CSMD1: variants seen among roughly 807,000 people sequenced by gnomAD.
CSMD1 encodes the protein CUB and sushi domain-containing protein 1.
A neutral mutation model predicts 417.5 loss-of-function variants in CSMD1; 213 were observed. The ratio of observed to expected loss-of-function variants is 0.51; its 90% CI spans 0.46 to 0.57. The LOEUF (loss-of-function observed/expected upper bound fraction) is 0.57, where lower values mean the gene tolerates loss of function less well. Ranked by LOEUF, CSMD1 falls within the 20% of genes least tolerant of loss-of-function variation. CSMD1 has a pLI of 0.00. For missense variants in CSMD1, 6,923 were observed against 4,529.7 expected, an observed-to-expected ratio of 1.53 and a Z score of -15.17; for synonymous variants, 2,862 against 1,736.8, an observed-to-expected ratio of 1.65 and a Z score of -16.11.
chr8:4,039,661 G>A (rs1040395276), intron 3 of CSMD1, among the ~76,000 whole-genome samples: 1 of 152,288 alleles, frequency 6.6e-6, no homozygotes, highest in Non-Finnish European at 1.5e-5. Context: ...ATCAGAACTG[G>A]CTGAGAATAA....
intron 5 of CSMD1, among the ~76,000 whole-genome samples, chr8:3,942,658 C>A (rs367572418): frequency 2.6e-5 from 4 of 152,162 alleles, no homozygotes; most frequent in Middle Eastern, 3.2e-3. Flanking sequence ...TCTTTAAAAA[C>A]TGTTTATGAT....
intron 57 of CSMD1, among the ~76,000 whole-genome samples, chr8:2,971,691 C>T (rs928703098): frequency 6.6e-6 from 1 of 152,138 alleles, no homozygotes; most frequent in Non-Finnish European, 1.5e-5. Context: ...AATTTTAATA[C>T]TGAAATATCT....
chr8:3,749,474 G>C (rs1426580099), intron 6 of CSMD1, among the ~76,000 whole-genome samples: 2 of 152,146 alleles, frequency 1.3e-5, no homozygotes, highest in African/African-American at 2.4e-5. Context: ...GAAAGTCAAA[G>C]AAGAAAGTGT....
intron 12 of CSMD1, among the ~76,000 whole-genome samples, chr8:3,444,259 G>A (rs900225803): frequency 6.6e-6 from 1 of 152,170 alleles, no homozygotes; most frequent in Non-Finnish European, 1.5e-5. Flanking sequence ...AATTACACAA[G>A]ATAAATTTGG....
chr8:4,342,368 C>G (rs1800528891), intron 3 of CSMD1, among the ~76,000 whole-genome samples: 1 of 152,020 alleles, frequency 6.6e-6, no homozygotes. Context: ...CATTCTACAG[C>G]TATCACATAT....
At chr8:4,884,232 CAT>C (rs1487966720) in intron 1 of CSMD1, among the ~76,000 whole-genome samples, 2 of 151,826 alleles carry the variant, frequency 1.3e-5, no homozygotes, top group African/African-American at 2.4e-5. Context: ...TACACACACA[CAT>C]ACCTATGTTT....
chr8:4,137,625 G>T (rs1333028651), intron 3 of CSMD1, among the ~76,000 whole-genome samples: 1 of 131,176 alleles, frequency 7.6e-6, no homozygotes, highest in African/African-American at 2.5e-5. Flanking sequence ...ACTGTTAATT[G>T]ATCACATTTT....
intron 4 of CSMD1, among the ~76,000 whole-genome samples, chr8:4,006,559 T>A (rs1235289979): frequency 6.6e-6 from 1 of 152,078 alleles, no homozygotes; most frequent in Non-Finnish European, 1.5e-5. Flanking sequence ...AATAAATAAA[T>A]AAATAATGGC....
intron 5 of CSMD1, among the ~76,000 whole-genome samples, chr8:3,894,591 G>A (rs953310044): frequency 1.4e-4 from 21 of 152,136 alleles, no homozygotes; most frequent in Admixed American, 1.3e-4. Flanking sequence ...TTTGTTGTCT[G>A]TATGGGGCTA....
At chr8:4,138,664 T>C (rs1377600550) in intron 3 of CSMD1, among the ~76,000 whole-genome samples, 7 of 152,172 alleles carry the variant, frequency 4.6e-5, no homozygotes, top group African/African-American at 1.7e-4. Context: ...CAAAGTATTA[T>C]TTCTATTTTT....
At chr8:3,558,624 A>ACGG (rs1437035507) in intron 10 of CSMD1, among the ~76,000 whole-genome samples, 3 of 134,510 alleles carry the variant, frequency 2.2e-5, no homozygotes, top group East Asian at 4.9e-4. Context: ...CCAATGATGA[A>ACGG]TAGTGCCTCA....
At chr8:3,805,168 A>T (rs938343964) in intron 5 of CSMD1, among the ~76,000 whole-genome samples, 1 of 152,132 alleles carries the variant, frequency 6.6e-6, no homozygotes, top group Non-Finnish European at 1.5e-5. Flanking sequence ...ATTCAAAGAG[A>T]CCACAATATT....
intron 3 of CSMD1, among the ~76,000 whole-genome samples, chr8:4,060,171 A>C (rs1442618444): frequency 1.3e-5 from 2 of 152,188 alleles, no homozygotes; most frequent in African/African-American, 4.8e-5. Context: ...TCCAGCATAT[A>C]AACAGAACCA....
chr8:4,118,057 G>A (rs1436587284), intron 3 of CSMD1, among the ~76,000 whole-genome samples: 1 of 151,952 alleles, frequency 6.6e-6, no homozygotes, highest in African/African-American at 2.4e-5. Context: ...GAACAATGAA[G>A]GGTGTAACAT....
intron 50 of CSMD1, among the ~76,000 whole-genome samples, chr8:3,034,964 C>T (rs1013150366): frequency 6.6e-6 from 1 of 152,168 alleles, no homozygotes; most frequent in African/African-American, 2.4e-5. Flanking sequence ...CGGCTTTCTA[C>T]TGAGCTCTCA....
At chr8:3,790,342 G>A (rs1799666731) in intron 5 of CSMD1, among the ~76,000 whole-genome samples, 2 of 152,054 alleles carry the variant, frequency 1.3e-5, no homozygotes, top group Admixed American at 6.5e-5. Context: ...GATGGTGATG[G>A]TGATGATGAT....
chr8:3,927,607 G>C (rs1042707422), intron 5 of CSMD1, among the ~76,000 whole-genome samples: 1 of 149,600 alleles, frequency 6.7e-6, no homozygotes, highest in Non-Finnish European at 1.5e-5. Flanking sequence ...GGAGGTTGCA[G>C]TGAGCCGACA....
intron 10 of CSMD1, among the ~76,000 whole-genome samples, chr8:3,553,355 G>A (rs1328780633): frequency 1.3e-5 from 2 of 152,268 alleles, no homozygotes; most frequent in East Asian, 3.9e-4. Context: ...GTCATTAACT[G>A]CCTTTTTTAG....
chr8:4,427,520 C>G (rs1412855545), intron 2 of CSMD1, among the ~76,000 whole-genome samples: 2 of 151,718 alleles, frequency 1.3e-5, no homozygotes, highest in African/African-American at 2.4e-5. Flanking sequence ...CACATGCACA[C>G]TCAAACACAC....
Sources: allele counts gnomAD v4.1 joint callset (sites outside exome capture counted in the v4.1 genomes callset), GRCh38; gene constraint gnomAD v4.1.1; transcripts MANE v1.5; gene names NCBI Gene and HGNC (gene_info 2026-07-23, HGNC 2026-07-21).